The following THEMIS2 variants were observed in gnomAD, a reference collection of about 807,000 sequenced individuals.
THEMIS2 encodes protein THEMIS2.
THEMIS2 carries 29 observed loss-of-function variants against 46.8 expected under a neutral mutation model. That is an observed-to-expected ratio of 0.62 (90% CI 0.46 to 0.84). The LOEUF is 0.84. Ranked by LOEUF, THEMIS2 falls within the 40% of genes least tolerant of loss-of-function variation. THEMIS2 has a pLI of 0.00. For synonymous variants in THEMIS2, 335 were observed against 349.1 expected (o/e 0.96, Z 0.45); for missense variants, 698 against 834.7 (o/e 0.84, Z 2.02).
chr1:27,873,482 C>G (rs564991407), intron 1 of THEMIS2, among the ~76,000 whole-genome samples: 4 of 151,930 alleles, frequency 2.6e-5, no homozygotes, highest in Non-Finnish European at 5.9e-5. Context: ...CCTTAGAGAG[C>G]GAACTGAGGC....
chr1:27,876,822 C>T, intron 2 of THEMIS2, 94 bp downstream of exon 2: 1 of 1,486,670 alleles, frequency 6.7e-7, no homozygotes. Context: ...GCAGTCACTC[C>T]CTCCCCTCGG....
rs566945263 is a variant in THEMIS2 at position 27,886,139 on chromosome 1, C to T, written c.*217C>T. The T allele has an allele frequency of 3.1e-5, 17 of 557,270 alleles. No individual in the cohort carries two copies. Among genetic ancestry groups the T allele is most frequent in the Admixed American group, 2.5e-4 (8 of 31,932 alleles). 34.5% of individuals were successfully genotyped at this position (557,270 alleles called of 1,614,324 possible). A position where few individuals can be genotyped will look rare whatever the true frequency, so the allele number is the denominator to read the frequency against. On this transcript the variant is annotated 3_prime_UTR_variant, in exon 6 of 6. Coordinates refer to ENST00000373921, the MANE Select transcript of THEMIS2 (RefSeq NM_001105556.3). The stretch of plus-strand genomic sequence containing the variant: ...GCGGGCTGGTTTGGACCTAACATCT[C>T]GCACGTGACTCCCTCAGCCTCAGAG...
intron 1 of THEMIS2, among the ~76,000 whole-genome samples, chr1:27,874,962 G>A (rs1253892030): frequency 1.3e-5 from 2 of 151,344 alleles, no homozygotes; most frequent in Non-Finnish European, 2.9e-5. Context: ...CCCCTGAGAG[G>A]CTGTTTCTTT....
In THEMIS2 at chr1:27,872,640, G is replaced by T; in HGVS notation, c.69G>T (p.Arg23=). 1.4e-6 allele frequency: 2 copies of T among 1,461,098 alleles called. No homozygotes were observed. Among genetic ancestry groups the T allele is most frequent in the Non-Finnish European group, 9.0e-7 (1 of 1,106,344 alleles). The allele number at this position is 1,461,098 out of a possible 1,614,324, so 90.5% of individuals were successfully genotyped here. Reference sequence around the variant, plus strand: ...CCGCCTCCCTCCCGCGCGTGCTGCGGGTCTGCTCGGGGGTCTACTTCGAGG... The same window carrying T: ...CCGCCTCCCTCCCGCGCGTGCTGCGTGTCTGCTCGGGGGTCTACTTCGAGG... The part of the protein sequence containing the change: ...LDPASLPRVL[R]VCSGVYFEGS... Residue 23 remains arginine, a synonymous_variant, in exon 1 of 6, where the codon CGG becomes CGT. Coordinates refer to ENST00000373921, the MANE Select transcript of THEMIS2 (RefSeq NM_001105556.3). The surrounding 1 kb of genome is among the most constrained non-coding windows in gnomAD (Gnocchi z 4.9).
At chr1:27,878,018 G>A (rs1374891816) in intron 2 of THEMIS2, among the ~76,000 whole-genome samples, 1 of 151,470 alleles carries the variant, frequency 6.6e-6, no homozygotes, top group Non-Finnish European at 1.5e-5. Flanking sequence ...GGGGTGGTGG[G>A]GGGCACCTGT....
rs1045695946 is a variant in THEMIS2 at position 27,886,162 on chromosome 1, G to C, written c.*240G>C. The C allele has an allele frequency of 7.5e-6, 4 of 532,752 alleles. No homozygotes were observed. In the Admixed American group the frequency reaches 1.3e-4, roughly 17 times the overall value. The allele number at this position is 532,752 out of a possible 1,614,324, so 33.0% of individuals were successfully genotyped here. A position where few individuals can be genotyped will look rare whatever the true frequency, so the allele number is the denominator to read the frequency against. On this transcript the variant is annotated 3_prime_UTR_variant, in exon 6 of 6. Coordinates refer to ENST00000373921, the MANE Select transcript of THEMIS2 (RefSeq NM_001105556.3). ...CTCGCACGTGACTCCCTCAGCCTCA[G>C]AGCCTTGGGATGCAGAGCAGCTGGC... is the stretch of plus-strand genomic sequence containing the variant.
At position 27,876,685 on chromosome 1, in the gene THEMIS2, C is replaced by T; in HGVS notation, c.192C>T (p.Asn64=). The change falls in exon 2 of 6, where the codon AAC becomes AAT. Residue 64 remains asparagine (N), a synonymous_variant. Transcript: ENST00000373921. ...QVRLQKVVCE[N]PKTSQTMELA... is the part of the protein sequence containing the mutation. The stretch of plus-strand genomic sequence containing the variant: ...GCCTCCAGAAGGTGGTCTGTGAGAA[C>T]CCGAAGACCAGCCAGACCATGGAGC... 1 of 1,614,040 alleles carries T rather than the reference C, an allele frequency of 6.2e-7. No homozygotes were observed. Among genetic ancestry groups the T allele is most frequent in the African/African-American group, 1.3e-5 (1 of 75,044 alleles).
chr1:27,885,526 G>A (rs1035453824), intron 5 of THEMIS2, 75 bp downstream of exon 5: 1 of 1,549,890 alleles, frequency 6.5e-7, no homozygotes, highest in African/African-American at 1.4e-5. Flanking sequence ...TTTGCCTCTG[G>A]TGGCCCTGTC....
chr1:27,879,909 C>T lies in THEMIS2; in HGVS notation c.501C>T (p.Phe167=). The T allele has an allele frequency of 6.2e-7, 1 of 1,611,898 alleles. No homozygotes were observed. The change falls in exon 3 of 6, where the codon TTC becomes TTT. Residue 167 remains phenylalanine, a synonymous_variant. Coordinates refer to ENST00000373921, the MANE Select transcript of THEMIS2 (RefSeq NM_001105556.3). ...LHLPLSQKGP[F]WTWEPSAPRT... is the part of the protein sequence containing the mutation. ...TGCCCCTATCCCAGAAGGGGCCCTT[C>T]TGGACATGGGAGCCTAGTGCCCCTC...
intron 1 of THEMIS2, among the ~76,000 whole-genome samples, chr1:27,876,344 C>A (rs1184583352): frequency 6.6e-6 from 1 of 152,040 alleles, no homozygotes; most frequent in Non-Finnish European, 1.5e-5. Context: ...GTGGAGGAGG[C>A]ACGGGGATGT....
Position 27,886,274 on chromosome 1 carries a change from G to A in THEMIS2, c.*352G>A, listed in dbSNP as rs911594220. ...GGCCATCAACCTTGGTGACAGCAGCGCAGTGCCAATGCTGATCACACTGCA... is the reference window on the plus strand; with the variant it reads ...GGCCATCAACCTTGGTGACAGCAGCACAGTGCCAATGCTGATCACACTGCA... On this transcript the variant is annotated 3_prime_UTR_variant, in exon 6 of 6. Transcript: ENST00000373921. 3.6e-5 allele frequency: 12 copies of A among 336,476 alleles called. No homozygotes were observed. The highest frequency in any genetic ancestry group is 6.3e-5 in the South Asian group (2 of 31,832). The allele number at this position is 336,476 out of a possible 1,614,324, so 20.8% of individuals were successfully genotyped here. A position where few individuals can be genotyped will look rare whatever the true frequency, so the allele number is the denominator to read the frequency against.
rs1031098866 is a variant in THEMIS2, at chr1:27,881,916, G to A, written c.647-55G>A. ...GCCCAGCCAATGCTCTATGCCTGGG[G>A]TGGGGGCCACTCCTGGGGTGGCATG... On this transcript the variant is annotated intron_variant, in intron 3 of 5. Transcript: ENST00000373921. The A allele has an allele frequency of 2.1e-6, 3 of 1,445,836 alleles. No homozygotes were observed. The African/African-American group carries it at 4.2e-5, about 20-fold the overall frequency. The allele number at this position is 1,445,836 out of a possible 1,614,324, so 89.6% of individuals were successfully genotyped here. A position where few individuals can be genotyped will look rare whatever the true frequency, so the allele number is the denominator to read the frequency against.
At chr1:27,880,569 G>T (rs537162332) in intron 3 of THEMIS2, among the ~76,000 whole-genome samples, 1 of 152,214 alleles carries the variant, frequency 6.6e-6, no homozygotes, top group Non-Finnish European at 1.5e-5. Context: ...TTGGAGGATC[G>T]CTTGATCTCA....
Position 27,885,421 on chromosome 1 carries a change from A to G in THEMIS2, c.1846A>G (p.Arg616Gly), listed in dbSNP as rs1048078307. Reference sequence around the variant, plus strand: ...GATTCCTGCCCACAGGAAGGGCCACAGGCCCGCTAAGCCCCAAAGGCAGGA... The same window carrying G: ...GATTCCTGCCCACAGGAAGGGCCACGGGCCCGCTAAGCCCCAAAGGCAGGA... ...SKIPAHRKGH[R>G]PAKPQRQDLD... is the part of the protein sequence containing the mutation. The change falls in exon 5 of 6, where the codon AGG becomes GGG. Residue 616 changes from arginine to glycine, a missense_variant. Physicochemically the swap from Arg to Gly is moderately radical, Grantham distance 125 (BLOSUM62 -2). Coordinates refer to ENST00000373921, the MANE Select transcript of THEMIS2 (RefSeq NM_001105556.3). The G allele has an allele frequency of 1.9e-6, 3 of 1,613,968 alleles. No homozygotes were observed. The highest frequency in any genetic ancestry group is 2.7e-5 in the African/African-American group (2 of 74,942).
Position 27,872,648 on chromosome 1 carries a change from C to A in THEMIS2, c.77C>A (p.Ser26Ter). ...ASLPRVLRVC[S>*]GVYFEGSIYE... Reference sequence around the variant, plus strand: ...CTCCCGCGCGTGCTGCGGGTCTGCTCGGGGGTCTACTTCGAGGGTGAGCGG... The same window carrying A: ...CTCCCGCGCGTGCTGCGGGTCTGCTAGGGGGTCTACTTCGAGGGTGAGCGG... Residue 26 changes from serine (S) to a stop codon, truncating the protein, a stop_gained, in exon 1 of 6, where the codon TCG becomes TAG. Transcript: ENST00000373921. LOFTEE classifies it high-confidence loss of function. This position sits in a 1 kb window ranked among gnomAD's most constrained non-coding sequence, Gnocchi z 4.9. The A allele has an allele frequency of 7.0e-7, 1 of 1,436,888 alleles. No homozygotes were observed. Among genetic ancestry groups the A allele is most frequent in the Non-Finnish European group, 9.2e-7 (1 of 1,092,622 alleles). The allele number at this position is 1,436,888 out of a possible 1,614,324, so 89.0% of individuals were successfully genotyped here.
chr1:27,884,817 A>C (rs180754941), intron 4 of THEMIS2: 1 of 160,278 alleles, frequency 6.2e-6, no homozygotes, highest in African/African-American at 2.4e-5. Flanking sequence ...TTTCTCTCCT[A>C]CATAAACTGG....
chr1:27,877,257 G>A (rs1247734412), intron 2 of THEMIS2, among the ~76,000 whole-genome samples: 1 of 152,182 alleles, frequency 6.6e-6, no homozygotes, highest in Non-Finnish European at 1.5e-5. Flanking sequence ...AAAGATCCCA[G>A]CCACAGGGAG....
Position 27,882,286 on chromosome 1 carries a change from A to T in THEMIS2, c.962A>T (p.Gln321Leu), listed in dbSNP as rs1174326442. 1 of 1,606,272 alleles carries T rather than the reference A, an allele frequency of 6.2e-7. No individual in the cohort carries two copies. Among genetic ancestry groups the T allele is most frequent in the Non-Finnish European group, 8.5e-7 (1 of 1,175,358 alleles). Residue 321 changes from glutamine to leucine, a missense_variant, in exon 4 of 6, where the codon CAA (glutamine) becomes CTA (leucine). Physicochemically the swap from Gln to Leu is moderately radical, Grantham distance 113 (BLOSUM62 -2). Coordinates refer to ENST00000373921, the MANE Select transcript of THEMIS2 (RefSeq NM_001105556.3). This position sits in a 1 kb window ranked among gnomAD's most constrained non-coding sequence, Gnocchi z 7.6. ...CACTTCCTGGTGTCAGGGGGCTACC[A>T]AGGCAAGCTGCGGCGGCGGCCAAGG... is the stretch of plus-strand genomic sequence containing the variant. Reference protein sequence around the residue: ...PRHFLVSGGYQGKLRRRPREF... With the variant: ...PRHFLVSGGYLGKLRRRPREF...
intron 1 of THEMIS2, among the ~76,000 whole-genome samples, chr1:27,874,779 C>G (rs182107952): frequency 1.3e-5 from 2 of 151,708 alleles, no homozygotes; most frequent in Non-Finnish European, 2.9e-5. Context: ...GACTCTGTCT[C>G]GAAAAAAAGG....
Sources: allele counts gnomAD v4.1 joint callset (sites outside exome capture counted in the v4.1 genomes callset), GRCh38; gene constraint gnomAD v4.1.1; non-coding constraint Gnocchi (gnomAD v3.1); transcripts MANE v1.5; gene names NCBI Gene and HGNC (gene_info 2026-07-23, HGNC 2026-07-21).